Variants in SNCAIP observed in about 807,000 individuals in gnomAD.
SNCAIP encodes synphilin-1.
SNCAIP carries 43 observed loss-of-function variants against 86.7 expected under a neutral mutation model. That is an observed-to-expected ratio of 0.50 (90% CI 0.39 to 0.64). The LOEUF (loss-of-function observed/expected upper bound fraction) is 0.64, where lower values mean the gene tolerates loss of function less well. Ranked by LOEUF, SNCAIP falls within the 30% of genes least tolerant of loss-of-function variation. The pLI is 0.00. For synonymous variants in SNCAIP, 417 were observed against 427.2 expected, an observed-to-expected ratio of 0.98 and a Z score of 0.29; for missense variants, 981 against 1,103.1, an observed-to-expected ratio of 0.89 and a Z score of 1.57.
intron 7 of SNCAIP, among the ~76,000 whole-genome samples, chr5:122,441,440 A>C (rs1468158816): frequency 3.9e-5 from 6 of 152,204 alleles, no homozygotes. Context: ...AGTGTGTACA[A>C]TGATGTCAAA....
At chr5:122,326,025 A>G (rs548536519) in intron 1 of SNCAIP, among the ~76,000 whole-genome samples, 3 of 152,210 alleles carry the variant, frequency 2.0e-5, no homozygotes, top group East Asian at 1.9e-4. Flanking sequence ...ATAATTGGGT[A>G]TGCTTAAACT....
intron 1 of SNCAIP, among the ~76,000 whole-genome samples, chr5:122,369,099 A>G (rs1763761262): frequency 6.6e-6 from 1 of 152,194 alleles, no homozygotes; most frequent in Non-Finnish European, 1.5e-5. Flanking sequence ...GATCTTCATT[A>G]AAATAAATTA....
chr5:122,462,456 G>A (rs1786599457), intron 10 of SNCAIP, among the ~76,000 whole-genome samples: 1 of 151,964 alleles, frequency 6.6e-6, no homozygotes, highest in Non-Finnish European at 1.5e-5. Context: ...ATGTTTAATT[G>A]GAATCTCTCG....
chr5:122,325,789 A>G (rs908573809), intron 1 of SNCAIP, among the ~76,000 whole-genome samples: 18 of 151,918 alleles, frequency 1.2e-4, no homozygotes, highest in African/African-American at 4.3e-4. Flanking sequence ...GCATTCTTCA[A>G]TTTTTTTTGA....
intron 1 of SNCAIP, among the ~76,000 whole-genome samples, chr5:122,339,196 A>G (rs1026225413): frequency 2.6e-5 from 4 of 151,920 alleles, no homozygotes; most frequent in African/African-American, 9.7e-5. Context: ...TTTTGGTGAA[A>G]TTTTCTGATT....
chr5:122,338,707 G>A (rs1172212289), intron 1 of SNCAIP, among the ~76,000 whole-genome samples: 5 of 152,086 alleles, frequency 3.3e-5, no homozygotes, highest in Admixed American at 3.3e-4. Flanking sequence ...CACATATAAT[G>A]TACAGTGATT....
At chr5:122,461,913 C>G (rs1786420566) in intron 10 of SNCAIP, among the ~76,000 whole-genome samples, 1 of 152,196 alleles carries the variant, frequency 6.6e-6, no homozygotes, top group Admixed American at 6.5e-5. Context: ...AACTGATCTA[C>G]CTGCCTCAGC....
At chr5:122,322,504 G>A (rs79316473) in intron 1 of SNCAIP, among the ~76,000 whole-genome samples, 201 of 152,306 alleles carry the variant, frequency 1.3e-3, no homozygotes, top group African/African-American at 4.3e-3. Context: ...GGACTGGAAA[G>A]TTGAATAAGG....
At chr5:122,378,204 G>A (rs867434396) in intron 1 of SNCAIP, among the ~76,000 whole-genome samples, 5 of 146,400 alleles carry the variant, frequency 3.4e-5, no homozygotes, top group Admixed American at 6.7e-5. Flanking sequence ...AGCACCTGTC[G>A]TTTCCTGACA....
chr5:122,446,952 C>T (rs1400602676), intron 8 of SNCAIP, among the ~76,000 whole-genome samples: 1 of 152,114 alleles, frequency 6.6e-6, no homozygotes, highest in Non-Finnish European at 1.5e-5. Flanking sequence ...GTGTCCCCAT[C>T]AAAAAAGTAT....
chr5:122,439,464 C>G (rs1780305119), intron 6 of SNCAIP, among the ~76,000 whole-genome samples: 2 of 152,168 alleles, frequency 1.3e-5, no homozygotes, highest in African/African-American at 4.8e-5. Flanking sequence ...TGCAAATGTT[C>G]AGTCTCTCCC....
At chr5:122,314,653 T>G (rs151148390) in intron 1 of SNCAIP, among the ~76,000 whole-genome samples, 145 of 152,348 alleles carry the variant, frequency 9.5e-4, no homozygotes, top group Non-Finnish European at 1.6e-3. Flanking sequence ...AATCAAAAAC[T>G]TGTTTGCTAG....
chr5:122,364,922 A>G (rs987964513), intron 1 of SNCAIP, among the ~76,000 whole-genome samples: 7 of 152,242 alleles, frequency 4.6e-5, no homozygotes, highest in African/African-American at 1.4e-4. Flanking sequence ...TTTTTAAAAT[A>G]TACTGCTCAG....
At chr5:122,382,636 C>T (rs1334610322) in intron 1 of SNCAIP, among the ~76,000 whole-genome samples, 10 of 152,020 alleles carry the variant, frequency 6.6e-5, no homozygotes, top group Non-Finnish European at 1.3e-4. Context: ...TTAGAGTTTC[C>T]AGTTTTTCTG....
At chr5:122,359,679 T>C (rs1761830601) in intron 1 of SNCAIP, among the ~76,000 whole-genome samples, 1 of 152,130 alleles carries the variant, frequency 6.6e-6, no homozygotes, top group South Asian at 2.1e-4. Flanking sequence ...CATGAAATTT[T>C]GAATAAAGCA....
chr5:122,341,105 A>G (rs1195023870), intron 1 of SNCAIP, among the ~76,000 whole-genome samples: 1 of 152,200 alleles, frequency 6.6e-6, no homozygotes, highest in Admixed American at 6.5e-5. Flanking sequence ...ATTTAAAGTT[A>G]GAATCTCTAG....
chr5:122,330,184 G>T (rs956205016), intron 1 of SNCAIP, among the ~76,000 whole-genome samples: 1 of 142,696 alleles, frequency 7.0e-6, no homozygotes, highest in Admixed American at 7.0e-5. Context: ...TGCAGTGGCG[G>T]GATCTCGGCT....
chr5:122,315,583 AT>A (rs1453251370), intron 1 of SNCAIP, among the ~76,000 whole-genome samples: 1 of 152,192 alleles, frequency 6.6e-6, no homozygotes, highest in Admixed American at 6.5e-5. Context: ...TGTCTAGCAG[AT>A]GTTTTCTGCT....
chr5:122,435,465 T>C (rs1299488217), intron 6 of SNCAIP, among the ~76,000 whole-genome samples: 1 of 152,186 alleles, frequency 6.6e-6, no homozygotes, highest in Non-Finnish European at 1.5e-5. Flanking sequence ...CGCTGGTTAT[T>C]AGTCCAGTGG....
Sources: gnomAD v4.1 joint callset for allele counts (sites outside exome capture counted in the v4.1 genomes callset) on GRCh38, gnomAD v4.1.1 for gene constraint, MANE v1.5 for transcripts, NCBI Gene and HGNC (gene_info 2026-07-23, HGNC 2026-07-21) for gene names.